Variants in C20orf203 observed in about 807,000 individuals in gnomAD.
The protein encoded by C20orf203 is chromosome 20 open reading frame 203.
C20orf203 carries 16 observed loss-of-function variants against 15.9 expected under a neutral mutation model. The ratio of observed to expected loss-of-function variants is 1.01; its 90% confidence interval spans 0.68 to 1.53. The LOEUF is 1.53. Ranked by LOEUF, C20orf203 falls within the 40% of genes most tolerant of loss-of-function variation. C20orf203 has a pLI of 0.00. For synonymous variants in C20orf203, 98 were observed against 97.2 expected (o/e 1.01, Z -0.05); for missense variants, 263 against 247.5 (o/e 1.06, Z -0.42).
chr20:32,673,369 G>A (rs1381641644), intron 1 of C20orf203, among the ~76,000 whole-genome samples: 1 of 152,164 alleles, frequency 6.6e-6, no homozygotes, highest in Non-Finnish European at 1.5e-5. Flanking sequence ...AGCACAGGGC[G>A]GAAGTGGCTG....
At chr20:32,653,480 C>T (rs1568751458) in intron 1 of C20orf203, among the ~76,000 whole-genome samples, 1 of 152,092 alleles carries the variant, frequency 6.6e-6, no homozygotes. Flanking sequence ...GCCTCTAAAG[C>T]CTGGGGTTAC....
chr20:32,634,341 A>G, intron 5 of C20orf203, 71 bp from the exon 6 acceptor site: 1 of 397,330 alleles, frequency 2.5e-6, no homozygotes, highest in Non-Finnish European at 4.4e-6. Context: ...GACATCATGG[A>G]CAAAGCGGTG....
chr20:32,669,466 G>A (rs1254147492), intron 1 of C20orf203, among the ~76,000 whole-genome samples: 2 of 152,184 alleles, frequency 1.3e-5, no homozygotes, highest in Non-Finnish European at 2.9e-5. Flanking sequence ...ATAAAGTCAT[G>A]AGAGTCTAGT....
intron 1 of C20orf203, among the ~76,000 whole-genome samples, chr20:32,666,801 A>G (rs1292434828): frequency 1.1e-5 from 1 of 94,302 alleles, no homozygotes; most frequent in East Asian, 2.2e-4. Context: ...TTTAATTTAT[A>G]TATATATATA....
intron 4 of C20orf203, among the ~76,000 whole-genome samples, chr20:32,645,514 A>C (rs1348831460): frequency 1.3e-5 from 2 of 152,232 alleles, no homozygotes; most frequent in Non-Finnish European, 2.9e-5. Flanking sequence ...CTGGGTCAGC[A>C]AACAGACTGG....
At chr20:32,666,193 G>A (rs2145681928) in intron 1 of C20orf203, among the ~76,000 whole-genome samples, 1 of 150,276 alleles carries the variant, frequency 6.7e-6, no homozygotes, top group East Asian at 2.0e-4. Context: ...AGTTGGTTGA[G>A]TGTGGTGGCT....
In C20orf203 at chr20:32,641,454, A is replaced by G. The variant is rs560534780; in HGVS notation, c.*1178-767T>C. ...CATTTGTGTAAGTCTGTGTGTAGAT[A>G]TATGTTTTAATTCTCTCAATTATAT... On this transcript the variant is annotated intron_variant, in intron 4 of 5. Transcript: ENST00000608990. 2.0e-5 allele frequency among the ~76,000 whole-genome samples: 3 copies of G among 151,878 alleles called. No homozygotes were observed. The South Asian group carries it at 6.2e-4, about 32-fold the overall frequency.
chr20:32,664,812 C>T (rs1452468884), intron 1 of C20orf203, among the ~76,000 whole-genome samples: 1 of 152,242 alleles, frequency 6.6e-6, no homozygotes. Context: ...AGCACCCACA[C>T]ATCCCCACAC....
chr20:32,665,501 T>C (rs1403514239), intron 1 of C20orf203, among the ~76,000 whole-genome samples: 1 of 151,918 alleles, frequency 6.6e-6, no homozygotes, highest in Non-Finnish European at 1.5e-5. Context: ...GGAAACACTG[T>C]AGGAGGTGGG....
rs1982073001 is a variant in C20orf203 at position 32,634,054 on chromosome 20, G to A, written c.*1516C>T. 1 of 398,486 alleles carries A rather than the reference G, an allele frequency of 2.5e-6. No homozygotes were observed. The highest frequency in any genetic ancestry group is 2.1e-5 in the African/African-American group (1 of 48,590). 24.7% of individuals were successfully genotyped at this position (398,486 alleles called of 1,614,324 possible). On this transcript the variant is annotated 3_prime_UTR_variant, in exon 6 of 6. Transcript: ENST00000608990. ...ATTGAAATGAGCCAGTTCTACCCCG[G>A]TGTTGGGAATTCCGAGATGAATCCA...
At chr20:32,654,567 G>T (rs1457225968) in intron 1 of C20orf203, among the ~76,000 whole-genome samples, 4 of 151,982 alleles carry the variant, frequency 2.6e-5, no homozygotes, top group African/African-American at 7.3e-5. Flanking sequence ...GGTGGGCCAG[G>T]CGTGGTAGCT....
chr20:32,665,662 C>A (rs780508789), intron 1 of C20orf203, among the ~76,000 whole-genome samples: 13 of 152,102 alleles, frequency 8.5e-5, no homozygotes, highest in Non-Finnish European at 1.8e-4. Flanking sequence ...TTTCCAGGAG[C>A]CACGACAAAA....
chr20:32,635,590 G>A (rs1251581213), intron 5 of C20orf203, among the ~76,000 whole-genome samples: 4 of 151,736 alleles, frequency 2.6e-5, no homozygotes, highest in Non-Finnish European at 5.9e-5. Flanking sequence ...CTGAGGTGGG[G>A]GGATTGCTTG....
Position 32,634,165 on chromosome 20 carries a change from G to A in C20orf203, c.*1405C>T. 2.5e-6 allele frequency: 1 copy of A among 398,658 alleles called. No homozygotes were observed. Among genetic ancestry groups the A allele is most frequent in the Admixed American group, 4.4e-5 (1 of 22,730 alleles). 24.7% of individuals were successfully genotyped at this position (398,658 alleles called of 1,614,324 possible). ...AGACCCAGAGAGATGCAGCTCTGAT[G>A]GAGATGGCGCAGGCACGGGCTGCTG... On this transcript the variant is annotated 3_prime_UTR_variant, in exon 6 of 6. Transcript: ENST00000608990.
At chr20:32,635,883 G>A (rs1346082975) in intron 5 of C20orf203, among the ~76,000 whole-genome samples, 1 of 152,158 alleles carries the variant, frequency 6.6e-6, no homozygotes, top group African/African-American at 2.4e-5. Context: ...ATCCTCCTGA[G>A]CCATGCCTCC....
intron 4 of C20orf203, among the ~76,000 whole-genome samples, chr20:32,641,417 C>T (rs551634533): frequency 4.0e-5 from 6 of 150,722 alleles, no homozygotes; most frequent in Admixed American, 6.6e-5. Flanking sequence ...TTAGGAATAA[C>T]GCTGCTATTA....
chr20:32,648,825 C>T (rs1217742463), intron 4 of C20orf203, among the ~76,000 whole-genome samples: 1 of 152,030 alleles, frequency 6.6e-6, no homozygotes, highest in African/African-American at 2.4e-5. Flanking sequence ...ACAGGGAGTT[C>T]CTATTGGCCC....
At chr20:32,656,072 A>G (rs1305330306) in intron 1 of C20orf203, among the ~76,000 whole-genome samples, 1 of 152,160 alleles carries the variant, frequency 6.6e-6, no homozygotes, top group Non-Finnish European at 1.5e-5. Context: ...TTCTGCCATG[A>G]TTGGAAGCTT....
At chr20:32,643,889 G>A (rs1355050645) in intron 4 of C20orf203, among the ~76,000 whole-genome samples, 1 of 152,194 alleles carries the variant, frequency 6.6e-6, no homozygotes, top group African/African-American at 2.4e-5. Context: ...CCTAGGAGAA[G>A]TGCCTTTCTG....
Sources: allele counts gnomAD v4.1 joint callset (sites outside exome capture counted in the v4.1 genomes callset), GRCh38; gene constraint gnomAD v4.1.1; transcripts MANE v1.5; gene names NCBI Gene and HGNC (gene_info 2026-07-23, HGNC 2026-07-21).